The following CARHSP1 variants were observed in gnomAD, a reference collection of about 807,000 sequenced individuals.
The protein encoded by CARHSP1 is calcium-regulated heat-stable protein 1.
In CARHSP1, 14 loss-of-function variants were observed where a neutral mutation model predicts 12.5. The observed-to-expected ratio is 1.12, with a 90% CI of 0.74 to 1.75. The LOEUF is 1.75. Ranked by LOEUF, CARHSP1 falls within the 40% of genes most tolerant of loss-of-function variation. CARHSP1 has a pLI of 0.00. For missense variants in CARHSP1, 343 were observed against 201.6 expected, an observed-to-expected ratio of 1.70 and a Z score of -4.25; for synonymous variants, 161 against 82.0, an observed-to-expected ratio of 1.96 and a Z score of -5.20.
intron 1 of CARHSP1, among the ~76,000 whole-genome samples, chr16:8,865,874 G>GCAGT (rs1217252525): frequency 6.6e-6 from 1 of 152,198 alleles, no homozygotes; most frequent in East Asian, 1.9e-4. Context: ...CTACTTTAAT[G>GCAGT]CAGTCAGGAA....
rs1325911163 is a variant in CARHSP1, at chr16:8,853,468, C to G, written c.*1696G>C. On this transcript the variant is annotated 3_prime_UTR_variant, in exon 4 of 4. Coordinates refer to ENST00000311052, the MANE Select transcript of CARHSP1 (RefSeq NM_014316.4). ...GGTGGGAACTGCCTTTGTCTCCACA[C>G]ACTCGCAATCAACATGCGTATTTGC... 6.6e-6 allele frequency: 1 copy of G among 152,200 alleles called. No individual in the cohort carries two copies. Among genetic ancestry groups the G allele is most frequent in the Non-Finnish European group, 1.5e-5 (1 of 68,060 alleles). 9.4% of individuals were successfully genotyped at this position (152,200 alleles called of 1,614,324 possible).
chr16:8,861,046 T>G (rs1313309841), intron 1 of CARHSP1, among the ~76,000 whole-genome samples: 2 of 83,544 alleles, frequency 2.4e-5, no homozygotes, highest in Non-Finnish European at 3.1e-5. Context: ...TGAGACTCCG[T>G]CTCAAAAAAA....
intron 1 of CARHSP1, chr16:8,860,522 G>C (rs1257193402): frequency 2.0e-6 from 2 of 985,360 alleles, no homozygotes; most frequent in Admixed American, 6.1e-5. Flanking sequence ...CAGTCCAGCA[G>C]TCAGAGGCCC....
At chr16:8,855,574 AAG>A (rs1363294652) in intron 3 of CARHSP1, among the ~76,000 whole-genome samples, 1 of 152,172 alleles carries the variant, frequency 6.6e-6, no homozygotes, top group East Asian at 1.9e-4. Context: ...CTGGAACTGA[AAG>A]AGTTCAGCCA....
chr16:8,860,490 C>G (rs117716909), intron 1 of CARHSP1: 15,194 of 985,336 alleles, frequency 0.015, 132 homozygotes, highest in Non-Finnish European at 0.017. Context: ...GGCCTCAGCT[C>G]GAGGTTCAGG....
Position 8,854,780 on chromosome 16 carries a change from G to A in CARHSP1, c.*384C>T, listed in dbSNP as rs1321980200. On this transcript the variant is annotated 3_prime_UTR_variant, in exon 4 of 4. Coordinates refer to ENST00000311052, the MANE Select transcript of CARHSP1 (RefSeq NM_014316.4). ...CCAGGGGGCCAGATCTGGGAATCTG[G>A]GGCCTCCAGCTCCAGGAGGAAGAGG... 1.2e-5 allele frequency: 2 copies of A among 163,246 alleles called. No homozygotes were observed. The highest frequency in any genetic ancestry group is 2.6e-5 in the Non-Finnish European group (2 of 75,474). The allele number at this position is 163,246 out of a possible 1,614,324, so 10.1% of individuals were successfully genotyped here. A position where few individuals can be genotyped will look rare whatever the true frequency, so the allele number is the denominator to read the frequency against.
chr16:8,867,451 G>C (rs1032708388), intron 1 of CARHSP1: 3 of 152,264 alleles, frequency 2.0e-5, no homozygotes, highest in African/African-American at 7.2e-5. Flanking sequence ...GATGGTGGAA[G>C]TGTCAGGCAC....
At position 8,853,597 on chromosome 16, in the gene CARHSP1, C is replaced by G. The variant is rs1317827349; in HGVS notation, c.*1567G>C. The G allele has an allele frequency of 6.6e-6, 1 of 152,268 alleles. No individual in the cohort carries two copies. The highest frequency in any genetic ancestry group is 1.5e-5 in the Non-Finnish European group (1 of 68,052). The allele number at this position is 152,268 out of a possible 1,614,324, so 9.4% of individuals were successfully genotyped here. On this transcript the variant is annotated 3_prime_UTR_variant, in exon 4 of 4. Coordinates refer to ENST00000311052, the MANE Select transcript of CARHSP1 (RefSeq NM_014316.4). Reference sequence around the variant, plus strand: ...AGCTGTTCATGCTTCCAGCATCAAACTGGACGTTTACTGTCTGCCCAAAAG... The same window carrying G: ...AGCTGTTCATGCTTCCAGCATCAAAGTGGACGTTTACTGTCTGCCCAAAAG...
Position 8,854,370 on chromosome 16 carries a change from C to A in CARHSP1, c.*794G>T, listed in dbSNP as rs112297505. ...GCCCTTCCCACCACCACCACCCCAG[C>A]CCCCCGCCGCCATAATTACAGGGGC... is the stretch of plus-strand genomic sequence containing the variant. On this transcript the variant is annotated 3_prime_UTR_variant, in exon 4 of 4. Transcript: ENST00000311052. The A allele has an allele frequency of 1.3e-5, 2 of 152,202 alleles. No homozygotes were observed. The highest frequency in any genetic ancestry group is 4.8e-5 in the African/African-American group (2 of 41,514). 9.4% of individuals were successfully genotyped at this position (152,202 alleles called of 1,614,324 possible). A position where few individuals can be genotyped will look rare whatever the true frequency, so the allele number is the denominator to read the frequency against.
At chr16:8,859,932 G>C (rs1175859113) in intron 1 of CARHSP1, 1 of 155,838 alleles carries the variant, frequency 6.4e-6, no homozygotes, top group African/African-American at 2.4e-5. Context: ...AGCTGAGATC[G>C]CACCACTGCA....
intron 1 of CARHSP1, among the ~76,000 whole-genome samples, chr16:8,864,616 C>T (rs557872360): frequency 4.5e-4 from 69 of 152,320 alleles, no homozygotes; most frequent in African/African-American, 1.4e-3. Context: ...GGAGAAAAAG[C>T]CAGCAGGGTA....
chr16:8,868,805 A>T (rs2061487324), intron 1 of CARHSP1, 161 bp downstream of exon 1: 1 of 152,050 alleles, frequency 6.6e-6, no homozygotes, highest in Non-Finnish European at 1.5e-5. Flanking sequence ...TTCCCCAAAC[A>T]GGCCCCGAGA....
At chr16:8,858,260 C>G (rs4985008) in intron 3 of CARHSP1, 90 bp downstream of exon 3, 35 of 1,452,372 alleles carry the variant, frequency 2.4e-5, no homozygotes, top group Non-Finnish European at 8.4e-6. Context: ...TCACACCCAG[C>G]GCCCATCAGA....
intron 1 of CARHSP1, among the ~76,000 whole-genome samples, chr16:8,863,532 A>G (rs2061405338): frequency 6.6e-6 from 1 of 152,180 alleles, no homozygotes; most frequent in Non-Finnish European, 1.5e-5. Context: ...TGCTCACCTG[A>G]TAGTGGAAGA....
chr16:8,861,521 C>T (rs1042852668), intron 1 of CARHSP1: 22 of 1,046,142 alleles, frequency 2.1e-5, no homozygotes, highest in Admixed American at 7.3e-5. Context: ...GAACCAGGCC[C>T]GACTGCTCAG....
intron 1 of CARHSP1, 75 bp from the exon 2 acceptor site, chr16:8,859,410 C>CT: frequency 7.5e-7 from 1 of 1,330,372 alleles, no homozygotes; most frequent in Non-Finnish European, 1.0e-6. Context: ...ATGTCCACGT[C>CT]TGACAGTCCA....
intron 1 of CARHSP1, chr16:8,860,209 G>C (rs545361698): frequency 1.0e-6 from 1 of 983,348 alleles, no homozygotes; most frequent in Non-Finnish European, 1.2e-6. Flanking sequence ...ACCCAGGACT[G>C]GGGGGCCTGC....
intron 1 of CARHSP1, chr16:8,861,572 C>G (rs1288149055): frequency 5.6e-6 from 7 of 1,260,364 alleles, no homozygotes; most frequent in Non-Finnish European, 7.3e-6. Flanking sequence ...CAGAACCCCT[C>G]CCCAGACATT....
intron 1 of CARHSP1, chr16:8,861,678 C>T (rs1295616220): frequency 3.9e-5 from 50 of 1,288,984 alleles, no homozygotes; most frequent in Non-Finnish European, 4.9e-5. Flanking sequence ...CCTGTCCCTT[C>T]TCTCAGCTAC....
Sources: gnomAD v4.1 joint callset for allele counts (sites outside exome capture counted in the v4.1 genomes callset) on GRCh38, gnomAD v4.1.1 for gene constraint, MANE v1.5 for transcripts, NCBI Gene and HGNC (gene_info 2026-07-23, HGNC 2026-07-21) for gene names.